Variants in RIMS3 observed in about 807,000 individuals in gnomAD.
RIMS3 encodes regulating synaptic membrane exocytosis protein 3.
Under a neutral mutation model 29.2 loss-of-function variants are expected in RIMS3, and 15 were observed. That is an observed-to-expected ratio of 0.51 (90% CI 0.34 to 0.79). The LOEUF is 0.79. Among genes scored for constraint, RIMS3 ranks in the 30% least tolerant of loss-of-function variants. The pLI, the probability that RIMS3 is intolerant of heterozygous loss-of-function variation, is 0.01. For synonymous variants in RIMS3, 161 were observed against 170.1 expected (o/e 0.95, Z 0.41); for missense variants, 342 against 421.4 (o/e 0.81, Z 1.65).
At chr1:40,687,996 GCT>G in the RIMS3 span, among the ~76,000 whole-genome samples, 1 of 152,068 alleles carries the variant, frequency 6.6e-6, no homozygotes, top group Non-Finnish European at 1.5e-5. Context: ...ACAGAGTCTC[GCT>G]CTGTCACCTA....
At chr1:40,651,640 G>A (rs981422532) in intron 1 of RIMS3, among the ~76,000 whole-genome samples, 8 of 152,132 alleles carry the variant, frequency 5.3e-5, no homozygotes, top group African/African-American at 1.2e-4. Flanking sequence ...CCTTGTCGTC[G>A]TCTTCACCCT....
chr1:40,657,997 A>C (rs1000976590), intron 1 of RIMS3, among the ~76,000 whole-genome samples: 2 of 152,196 alleles, frequency 1.3e-5, no homozygotes, highest in Non-Finnish European at 2.9e-5. Context: ...GATTAAATGA[A>C]ATGTGTGAAC....
At chr1:40,655,325 A>G (rs1217372921) in intron 1 of RIMS3, among the ~76,000 whole-genome samples, 1 of 152,010 alleles carries the variant, frequency 6.6e-6, no homozygotes, top group Non-Finnish European at 1.5e-5. Context: ...TAGGAAGCAG[A>G]AGAACTGTAG....
the RIMS3 span, among the ~76,000 whole-genome samples, chr1:40,682,739 A>ATTTTTTTTT: frequency 4.3e-5 from 2 of 46,532 alleles, no homozygotes; most frequent in East Asian, 4.9e-4. Context: ...CCCTTTGCAG[A>ATTTTTTTTT]TCTTTTTTTT....
upstream of RIMS3, among the ~76,000 whole-genome samples, chr1:40,665,875 C>G (rs1017381427): frequency 2.0e-5 from 3 of 152,160 alleles, no homozygotes; most frequent in African/African-American, 7.2e-5. Flanking sequence ...CTGGGGAAGC[C>G]TCATTCCTCT....
chr1:40,683,831 A>G, the RIMS3 span, among the ~76,000 whole-genome samples: 1 of 152,280 alleles, frequency 6.6e-6, no homozygotes, highest in Admixed American at 6.5e-5. Context: ...CTGTCCTCTG[A>G]CCTCTTTACC....
chr1:40,679,159 CT>C, the RIMS3 span, among the ~76,000 whole-genome samples: 1 of 152,364 alleles, frequency 6.6e-6, no homozygotes, highest in East Asian at 1.9e-4. Flanking sequence ...ACCACCAACA[CT>C]GCTGGAGCCT....
chr1:40,667,012 G>A (rs191726433), upstream of RIMS3, among the ~76,000 whole-genome samples: 1 of 152,076 alleles, frequency 6.6e-6, no homozygotes, highest in Non-Finnish European at 1.5e-5. Flanking sequence ...GTGACAGGGG[G>A]AACTCTGTCT....
chr1:40,681,757 GACAA>G, the RIMS3 span, among the ~76,000 whole-genome samples: 2 of 152,302 alleles, frequency 1.3e-5, no homozygotes, highest in East Asian at 1.9e-4. Context: ...GCAAGGACCT[GACAA>G]ACAGAGTTTC....
intron 5 of RIMS3, among the ~76,000 whole-genome samples, chr1:40,631,148 G>A (rs1218051812): frequency 1.3e-5 from 2 of 152,194 alleles, no homozygotes; most frequent in Non-Finnish European, 2.9e-5. Flanking sequence ...TCAGACTGAT[G>A]GGAAAGGAGT....
chr1:40,682,741 C>CTTTTTTATTTTTTTTTTTTTT, the RIMS3 span, among the ~76,000 whole-genome samples: 1 of 77,514 alleles, frequency 1.3e-5, no homozygotes, highest in Non-Finnish European at 2.5e-5. Context: ...CTTTGCAGAT[C>CTTTTTTATTTTTTTTTTTTTT]TTTTTTTTTT....
Position 40,641,917 on chromosome 1 carries a change from G to C in RIMS3, c.9C>G (p.Asn3Lys). Residue 3 changes from asparagine (N) to lysine (K), a missense_variant, in exon 3 of 8, where the codon AAC becomes AAG. By Grantham distance (94) the Asn-to-Lys change is moderately conservative. Transcript: ENST00000372684. ...CAGATGAGGCAGGACCTGGCTCCCC[G>C]TTAAACATGGTCCCCGGGGTGGCAG... MF[N>K]GEPGPASSGA... 6.2e-7 allele frequency: 1 copy of C among 1,613,352 alleles called. No individual in the cohort carries two copies. Among genetic ancestry groups the C allele is most frequent in the Non-Finnish European group, 8.5e-7 (1 of 1,179,614 alleles).
the RIMS3 span, among the ~76,000 whole-genome samples, chr1:40,673,124 G>A: frequency 5.0e-3 from 753 of 152,098 alleles, 5 homozygotes; most frequent in African/African-American, 0.018. Context: ...AGGTTGCAGT[G>A]AGCCAAGAAT....
rs1167863088 is a variant in RIMS3, at chr1:40,641,807, G to C, written c.119C>G (p.Thr40Ser). 5 of 1,612,726 alleles carry C rather than the reference G, an allele frequency of 3.1e-6. No individual in the cohort carries two copies. The highest frequency in any genetic ancestry group is 4.2e-6 in the Non-Finnish European group (5 of 1,178,776). The change falls in exon 3 of 8, where the codon ACC becomes AGC. Residue 40 changes from threonine to serine, a missense_variant. Coordinates refer to ENST00000372684, the MANE Select transcript of RIMS3 (RefSeq NM_014747.3). ...SQQAGGGAGT[T>S]TAKKRRSSLG... is the part of the protein sequence containing the mutation. ...GCTGCTCCGCCGCTTCTTGGCGGTG[G>C]TGGTCCCAGCCCCGCCCCCGGCTTG...
Position 40,623,665 on chromosome 1 carries a change from C to G in RIMS3, c.*2852G>C. ...AGGGATCATGTTCCTTCCTTCCCCA[C>G]CCCCCGTCCTCAAACAGCAGATGCT... On this transcript the variant is annotated 3_prime_UTR_variant, in exon 8 of 8. Coordinates refer to ENST00000372684, the MANE Select transcript of RIMS3 (RefSeq NM_014747.3). 1 of 378,866 alleles carries G rather than the reference C, an allele frequency of 2.6e-6. No homozygotes were observed. Among genetic ancestry groups the G allele is most frequent in the Non-Finnish European group, 4.6e-6 (1 of 219,008 alleles). 23.5% of individuals were successfully genotyped at this position (378,866 alleles called of 1,614,324 possible). A position where few individuals can be genotyped will look rare whatever the true frequency, so the allele number is the denominator to read the frequency against.
At chr1:40,662,495 G>A (rs1642366595) in intron 1 of RIMS3, among the ~76,000 whole-genome samples, 1 of 152,178 alleles carries the variant, frequency 6.6e-6, no homozygotes, top group Non-Finnish European at 1.5e-5. Context: ...TGTCACCTCC[G>A]TGAGGGCAGG....
chr1:40,673,902 G>C, the RIMS3 span, among the ~76,000 whole-genome samples: 1 of 152,068 alleles, frequency 6.6e-6, no homozygotes, highest in Admixed American at 6.6e-5. Context: ...CATCACAGGG[G>C]AGTTGTAAAG....
Position 40,648,297 on chromosome 1 carries a change from CCCT to C in RIMS3, c.-206-458_-206-456del, listed in dbSNP as rs1181235381. Among the ~76,000 whole-genome samples, 3 of 152,312 alleles carry C rather than the reference CCCT, an allele frequency of 2.0e-5. No individual in the cohort carries two copies. In the East Asian group the frequency reaches 5.8e-4, roughly 29 times the overall value. On this transcript the variant is annotated intron_variant, in intron 1 of 7. Coordinates refer to ENST00000372684, the MANE Select transcript of RIMS3 (RefSeq NM_014747.3). ...GCTTCTCTGAACCATTCCCTCCATT[CCCT>C]CCTCTACAAAACGAGTCTAATCACC...
chr1:40,664,597 T>G (rs1642398378), intron 1 of RIMS3, among the ~76,000 whole-genome samples: 1 of 152,154 alleles, frequency 6.6e-6, no homozygotes, highest in African/African-American at 2.4e-5. Flanking sequence ...CAAGTGGCAG[T>G]GCCAGCCAAT....
Sources: allele counts gnomAD v4.1 joint callset (sites outside exome capture counted in the v4.1 genomes callset), GRCh38; gene constraint gnomAD v4.1.1; transcripts MANE v1.5; gene names NCBI Gene and HGNC (gene_info 2026-07-23, HGNC 2026-07-21).